Variants in SMARCA2 observed in about 807,000 individuals in gnomAD.
The protein encoded by SMARCA2 is SWI/SNF related BAF chromatin remodeling complex subunit ATPase 2.
SMARCA2 carries 61 observed loss-of-function variants against 199.8 expected under a neutral mutation model. That is an observed-to-expected ratio of 0.31 (90% CI 0.25 to 0.38). SMARCA2 has a LOEUF of 0.38. Among genes scored for constraint, SMARCA2 ranks in the 10% least tolerant of loss-of-function variants. SMARCA2 has a pLI of 1.00. For missense variants in SMARCA2, 1,344 were observed against 2,012.2 expected, an observed-to-expected ratio of 0.67 and a Z score of 6.35; for synonymous variants, 935 against 732.0, an observed-to-expected ratio of 1.28 and a Z score of -4.48.
At chr9:2,184,742 T>TAA (rs1827311831) in intron 31 of SMARCA2, among the ~76,000 whole-genome samples, 1 of 152,122 alleles carries the variant, frequency 6.6e-6, no homozygotes, top group Admixed American at 6.5e-5. Context: ...TCATTTGTTT[T>TAA]CCTTTCTAAA....
intron 1 of SMARCA2, among the ~76,000 whole-genome samples, chr9:2,024,164 C>A (rs553247561): frequency 1.3e-5 from 2 of 152,152 alleles, no homozygotes; most frequent in African/African-American, 4.8e-5. Flanking sequence ...CCAAACTCTG[C>A]GACTAGAAAC....
chr9:2,152,346 G>A (rs1206093970), intron 27 of SMARCA2, among the ~76,000 whole-genome samples: 1 of 152,196 alleles, frequency 6.6e-6, no homozygotes, highest in Non-Finnish European at 1.5e-5. Flanking sequence ...GAGGTCAAGA[G>A]AGTTTGAGAC....
chr9:2,064,253 G>C (rs1194516802), intron 9 of SMARCA2, among the ~76,000 whole-genome samples: 1 of 152,156 alleles, frequency 6.6e-6, no homozygotes, highest in Admixed American at 6.5e-5. Flanking sequence ...AACTACATGA[G>C]AAAATATTTA....
intron 1 of SMARCA2, among the ~76,000 whole-genome samples, chr9:2,026,170 C>T (rs969055917): frequency 1.3e-5 from 2 of 152,180 alleles, no homozygotes; most frequent in African/African-American, 4.8e-5. Flanking sequence ...CAGTGAATAT[C>T]ACGTCACGTT....
At chr9:2,098,766 T>G (rs893931754) in intron 21 of SMARCA2, among the ~76,000 whole-genome samples, 3 of 152,008 alleles carry the variant, frequency 2.0e-5, no homozygotes, top group African/African-American at 7.2e-5. Flanking sequence ...TGAAACCCCG[T>G]CTAAAACTAC....
chr9:2,156,199 G>A (rs1463714849), intron 27 of SMARCA2, among the ~76,000 whole-genome samples: 1 of 152,134 alleles, frequency 6.6e-6, no homozygotes, highest in Non-Finnish European at 1.5e-5. Flanking sequence ...GACTGAACGT[G>A]CTATCTGTTG....
At chr9:2,071,074 G>A (rs924478287) in intron 10 of SMARCA2, among the ~76,000 whole-genome samples, 1 of 152,022 alleles carries the variant, frequency 6.6e-6, no homozygotes, top group East Asian at 1.9e-4. Flanking sequence ...TTCACAGTGA[G>A]GAGGCACACT....
At position 2,115,144 on chromosome 9, in the gene SMARCA2, A is replaced by G; in HGVS notation, c.3457-678A>G. ...ATCTATGATTATTTGTTTAGGATAC[A>G]TTTCCGAAGTAATATTTCTAAGTCG... On this transcript the variant is annotated intron_variant, in intron 24 of 33. Coordinates refer to ENST00000349721, the MANE Select transcript of SMARCA2 (RefSeq NM_003070.5). This position sits in a 1 kb window ranked among gnomAD's most constrained non-coding sequence, Gnocchi z 6.0. Among the ~76,000 whole-genome samples the G allele has an allele frequency of 8.0e-6, 1 of 124,444 alleles. No homozygotes were observed. The highest frequency in any genetic ancestry group is 5.0e-5 in the African/African-American group (1 of 19,804). The allele number at this position is 124,444 out of a possible 152,430, so 81.6% of individuals were successfully genotyped here.
At chr9:2,189,885 C>A (rs1827758192) in intron 32 of SMARCA2, among the ~76,000 whole-genome samples, 1 of 148,336 alleles carries the variant, frequency 6.7e-6, no homozygotes, top group African/African-American at 2.6e-5. Context: ...GGTCCCTCTA[C>A]TTCACAAAAG....
At position 2,039,578 on chromosome 9, in the gene SMARCA2, C is replaced by T; in HGVS notation, c.468C>T (p.Leu156=). The part of the protein sequence containing the change: ...PQMPPSQPGA[L]IPGDPQAMSQ... ...TGCCACCAAGCCAGCCGGGGGCCCT[C>T]ATCCCAGGTGATCCGCAGGCCATGA... Residue 156 remains leucine, a synonymous_variant, in exon 4 of 34, where the codon CTC becomes CTT. Coordinates refer to ENST00000349721, the MANE Select transcript of SMARCA2 (RefSeq NM_003070.5). This position sits in a 1 kb window ranked among gnomAD's most constrained non-coding sequence, Gnocchi z 4.8. The T allele has an allele frequency of 1.2e-6, 2 of 1,614,206 alleles. No individual in the cohort carries two copies. The highest frequency in any genetic ancestry group is 1.7e-5 in the Admixed American group (1 of 60,028).
intron 27 of SMARCA2, among the ~76,000 whole-genome samples, chr9:2,130,694 TATAC>T (rs531769261): frequency 1.5e-4 from 23 of 152,266 alleles, no homozygotes; most frequent in South Asian, 1.0e-3. Flanking sequence ...CAATTATACA[TATAC>T]ATACATACAT....
intron 29 of SMARCA2, among the ~76,000 whole-genome samples, chr9:2,177,237 T>G (rs1474044767): frequency 1.8e-4 from 28 of 152,234 alleles, no homozygotes; most frequent in Non-Finnish European, 4.4e-5. Flanking sequence ...CCCAAACGAC[T>G]TTGCTATGTT....
chr9:2,160,735 G>A (rs967941861), intron 27 of SMARCA2: 12 of 469,788 alleles, frequency 2.6e-5, no homozygotes, highest in African/African-American at 2.2e-4. Context: ...GTTATTTTGT[G>A]TGAGAGAGCA....
In SMARCA2 at chr9:2,056,879, T is replaced by C. The variant is rs1463751908; in HGVS notation, c.1347+34T>C. 1 of 1,594,956 alleles carries C rather than the reference T, an allele frequency of 6.3e-7. No homozygotes were observed. The highest frequency in any genetic ancestry group is 1.3e-5 in the African/African-American group (1 of 74,106). On this transcript the variant is annotated intron_variant, in intron 7 of 33. Transcript: ENST00000349721. The surrounding 1 kb of genome is among the most constrained non-coding windows in gnomAD (Gnocchi z 4.0). ...ACCCTGGGCTTTGCTCACCCTCACT[T>C]TGGCAGAGCTGTCCAATGAATTCAT...
intron 27 of SMARCA2, among the ~76,000 whole-genome samples, chr9:2,152,148 C>A (rs1440976173): frequency 6.6e-6 from 1 of 152,172 alleles, no homozygotes; most frequent in Non-Finnish European, 1.5e-5. Flanking sequence ...AATCAGGATG[C>A]TTCCGTGAAA....
At chr9:2,042,477 C>T (rs1031237525) in intron 4 of SMARCA2, 32 of 152,162 alleles carry the variant, frequency 2.1e-4, no homozygotes, top group Admixed American at 6.5e-4. Context: ...ATGTAGGAAG[C>T]AGAATGATTT....
At chr9:2,106,136 G>A (rs1043321033) in intron 23 of SMARCA2, among the ~76,000 whole-genome samples, 1 of 152,144 alleles carries the variant, frequency 6.6e-6, no homozygotes, top group Non-Finnish European at 1.5e-5. Flanking sequence ...TGTTATCCCT[G>A]TCAACCAGTG....
rs372830831 is a variant in SMARCA2 at position 2,066,844 on chromosome 9, G to A, written c.1693-3574G>A. Among the ~76,000 whole-genome samples the A allele has an allele frequency of 3.3e-5, 5 of 152,362 alleles. No homozygotes were observed. The East Asian group carries it at 9.6e-4, about 29-fold the overall frequency. ...TTCACACCAGGACATTTCTTTAGGT[G>A]CTTAGAGACTGTCCGAAGTCAGCTC... On this transcript the variant is annotated intron_variant, in intron 9 of 33. Coordinates refer to ENST00000349721, the MANE Select transcript of SMARCA2 (RefSeq NM_003070.5).
chr9:2,142,319 G>C (rs554345253), intron 27 of SMARCA2, among the ~76,000 whole-genome samples: 11 of 152,336 alleles, frequency 7.2e-5, no homozygotes, highest in African/African-American at 2.6e-4. Flanking sequence ...TTAATAGAAA[G>C]GGTAGAGGAA....
Sources: gnomAD v4.1 joint callset for allele counts (sites outside exome capture counted in the v4.1 genomes callset) on GRCh38, gnomAD v4.1.1 for gene constraint, Gnocchi (gnomAD v3.1) non-coding constraint, MANE v1.5 for transcripts, NCBI Gene and HGNC (gene_info 2026-07-23, HGNC 2026-07-21) for gene names.